The following WDR93 variants were observed in gnomAD, a reference collection of about 807,000 sequenced individuals.
WDR93 encodes the protein WD repeat-containing protein 93.
In WDR93, 73 loss-of-function variants were observed where a neutral mutation model predicts 82.9. The observed-to-expected ratio is 0.88, with a 90% CI of 0.73 to 1.07. The LOEUF (loss-of-function observed/expected upper bound fraction) is 1.07. Ranked by LOEUF, WDR93 falls within the 50% of genes least tolerant of loss-of-function variation. The probability of loss-of-function intolerance (pLI) is 0.00; values close to 1 mark genes in which losing one functional copy is unlikely to be tolerated. For synonymous variants in WDR93, 283 were observed against 300.1 expected (o/e 0.94, Z 0.59); for missense variants, 738 against 826.0 (o/e 0.89, Z 1.31).
chr15:89,716,033 G>A (rs8033389), intron 6 of WDR93, among the ~76,000 whole-genome samples: 29,514 of 152,072 alleles, frequency 0.19, 3,062 homozygotes, highest in Middle Eastern at 0.3. Flanking sequence ...CATTGTATTA[G>A]GTGCTAAATA....
chr15:89,690,421 G>A (rs1282995603), upstream of WDR93, among the ~76,000 whole-genome samples: 4 of 152,208 alleles, frequency 2.6e-5, no homozygotes, highest in Non-Finnish European at 4.4e-5. Context: ...AGGGTAAGGA[G>A]GGGCTCGGAT....
intron 4 of WDR93, among the ~76,000 whole-genome samples, chr15:89,706,470 G>GGT (rs958063503): frequency 3.3e-5 from 5 of 151,968 alleles, no homozygotes; most frequent in Admixed American, 1.3e-4. Flanking sequence ...ATTATAATTT[G>GGT]TCTTCTAAGA....
At chr15:89,720,703 A>G (rs1441890116) in intron 7 of WDR93, among the ~76,000 whole-genome samples, 3 of 152,348 alleles carry the variant, frequency 2.0e-5, no homozygotes, top group South Asian at 2.1e-4. Context: ...CATACTTTAT[A>G]TATTTGAATC....
chr15:89,713,245 G>T (rs7181125), intron 5 of WDR93, among the ~76,000 whole-genome samples: 95,762 of 151,730 alleles, frequency 0.63, 31,472 homozygotes, highest in African/African-American at 0.74. Context: ...TACTTTGAGA[G>T]GATGCTGATG....
At chr15:89,690,692 G>A, upstream of WDR93, 4 of 1,256,870 alleles carry the variant, frequency 3.2e-6, no homozygotes, top group Admixed American at 8.0e-5. Context: ...TCTGGGGCCC[G>A]TCGGATCCCC....
rs1194660558 is a variant in WDR93 at position 89,737,660 on chromosome 15, T to A, written c.1696T>A (p.Phe566Ile). Residue 566 changes from phenylalanine to isoleucine, a missense_variant, in exon 15 of 17, where the codon TTT (phenylalanine) becomes ATT (isoleucine). Coordinates refer to ENST00000268130, the MANE Select transcript of WDR93 (RefSeq NM_020212.2). ...IICAFAPPGA[F>I]PLEVPWKPVF... ...CTGTGCCTTTGCCCCTCCGGGAGCC[T>A]TTCCTCTGGAGGTCCCCTGGAAGCC... is the stretch of plus-strand genomic sequence containing the variant. The A allele has an allele frequency of 6.2e-7, 1 of 1,614,050 alleles. No individual in the cohort carries two copies. The highest frequency in any genetic ancestry group is 8.5e-7 in the Non-Finnish European group (1 of 1,180,040).
chr15:89,703,145 A>G lies in WDR93; in HGVS notation c.496+3A>G. On this transcript the variant is annotated splice_donor_region_variant and intron_variant, in intron 3 of 16. Coordinates refer to ENST00000268130, the MANE Select transcript of WDR93 (RefSeq NM_020212.2). Reference sequence around the variant, plus strand: ...CATTGCTCCTGTGGATGAAATGGGTATTGTTCTTCATCTTCCTTTTTAGCC... The same window carrying G: ...CATTGCTCCTGTGGATGAAATGGGTGTTGTTCTTCATCTTCCTTTTTAGCC... The G allele has an allele frequency of 6.2e-7, 1 of 1,613,892 alleles. No individual in the cohort carries two copies. Among genetic ancestry groups the G allele is most frequent in the Non-Finnish European group, 8.5e-7 (1 of 1,179,814 alleles).
At chr15:89,722,172 A>G (rs368758424) in intron 8 of WDR93, 33 bp downstream of exon 8, 3 of 1,448,504 alleles carry the variant, frequency 2.1e-6, no homozygotes, top group South Asian at 1.2e-5. Flanking sequence ...TCCTTTTGCC[A>G]TTGATTTATC....
chr15:89,731,577 C>G lies in WDR93; in HGVS notation c.1330+15C>G, dbSNP rs749136168. On this transcript the variant is annotated intron_variant, in intron 12 of 16. Coordinates refer to ENST00000268130, the MANE Select transcript of WDR93 (RefSeq NM_020212.2). Reference sequence around the variant, plus strand: ...CCTGGCCAAAGGTAAGTCCTCCCTGCCTCTCTACCTAGTACCTGGGTGGGA... The same window carrying G: ...CCTGGCCAAAGGTAAGTCCTCCCTGGCTCTCTACCTAGTACCTGGGTGGGA... The G allele has an allele frequency of 1.2e-6, 2 of 1,613,822 alleles. No individual in the cohort carries two copies. Among genetic ancestry groups the G allele is most frequent in the South Asian group, 2.2e-5 (2 of 91,080 alleles).
intron 3 of WDR93, 113 bp from the exon 4 acceptor site, chr15:89,705,441 C>G: frequency 1.4e-6 from 1 of 720,928 alleles, no homozygotes; most frequent in Non-Finnish European, 2.5e-6. Flanking sequence ...GGGAAGGAGG[C>G]CTAAGAATGA....
At chr15:89,703,224 G>A in intron 3 of WDR93, 82 bp downstream of exon 3, 1 of 1,478,084 alleles carries the variant, frequency 6.8e-7, no homozygotes, top group Admixed American at 1.7e-5. Flanking sequence ...TTGAGGTATT[G>A]GTGGGGCCAG....
intron 5 of WDR93, among the ~76,000 whole-genome samples, chr15:89,713,853 C>T (rs1966118176): frequency 6.6e-6 from 1 of 152,152 alleles, no homozygotes; most frequent in Non-Finnish European, 1.5e-5. Context: ...CCTGTCATAA[C>T]AAAGTACCAC....
chr15:89,740,427 G>A (rs897714223), intron 16 of WDR93, among the ~76,000 whole-genome samples: 1 of 152,134 alleles, frequency 6.6e-6, no homozygotes, highest in Non-Finnish European at 1.5e-5. Context: ...AGAAGGCGAT[G>A]GTTGACATTG....
At chr15:89,724,746 A>C (rs1966665681) in intron 8 of WDR93, among the ~76,000 whole-genome samples, 1 of 152,220 alleles carries the variant, frequency 6.6e-6, no homozygotes, top group Non-Finnish European at 1.5e-5. Context: ...AGTGCAAATT[A>C]AAATCACAGT....
chr15:89,738,893 T>C (rs1338609604), intron 16 of WDR93, among the ~76,000 whole-genome samples: 2 of 152,092 alleles, frequency 1.3e-5, no homozygotes, highest in East Asian at 1.9e-4. Flanking sequence ...GGTGGGCAGA[T>C]TGCTTGAGCT....
intron 16 of WDR93, 76 bp from the exon 17 acceptor site, chr15:89,743,216 T>A: frequency 2.1e-6 from 3 of 1,418,406 alleles, no homozygotes; most frequent in Non-Finnish European, 3.0e-6. Context: ...CACAGGGTAG[T>A]CGAGGTCTGC....
intron 7 of WDR93, among the ~76,000 whole-genome samples, chr15:89,717,463 C>T (rs943401492): frequency 6.6e-6 from 1 of 152,192 alleles, no homozygotes; most frequent in Non-Finnish European, 1.5e-5. Context: ...AATCTTGTGC[C>T]TCATATCCAT....
chr15:89,694,387 G>A lies in WDR93; in HGVS notation c.-41+3530G>A, dbSNP rs992314698. On this transcript the variant is annotated intron_variant, in intron 1 of 16. Transcript: ENST00000268130. Reference sequence around the variant, plus strand: ...GTAGCTGGGACTACAGGTGCCCACCGCCATGCCCAGCTAATTTTTTGTATT... The same window carrying A: ...GTAGCTGGGACTACAGGTGCCCACCACCATGCCCAGCTAATTTTTTGTATT... 4.0e-5 allele frequency among the ~76,000 whole-genome samples: 6 copies of A among 151,076 alleles called. No individual in the cohort carries two copies. In the South Asian group the frequency reaches 6.3e-4, roughly 16 times the overall value.
At chr15:89,739,750 T>C (rs1967506387) in intron 16 of WDR93, among the ~76,000 whole-genome samples, 1 of 152,212 alleles carries the variant, frequency 6.6e-6, no homozygotes, top group Non-Finnish European at 1.5e-5. Flanking sequence ...GATGTTCCTA[T>C]GTATGTAACG....
Sources: gnomAD v4.1 joint callset for allele counts (sites outside exome capture counted in the v4.1 genomes callset) on GRCh38, gnomAD v4.1.1 for gene constraint, MANE v1.5 for transcripts, NCBI Gene and HGNC (gene_info 2026-07-23, HGNC 2026-07-21) for gene names.